ARMC8: variants seen among roughly 807,000 people sequenced by gnomAD.
ARMC8 encodes the protein armadillo repeat containing 8.
In ARMC8, 20 loss-of-function variants were observed where a neutral mutation model predicts 99.3. The ratio of observed to expected loss-of-function variants is 0.20; its 90% confidence interval spans 0.14 to 0.29. The LOEUF (loss-of-function observed/expected upper bound fraction) is 0.29, where lower values mean the gene tolerates loss of function less well. ARMC8 is among the 10% of genes least tolerant of loss of function. The pLI is 1.00. For synonymous variants in ARMC8, 263 were observed against 278.3 expected (o/e 0.95, Z 0.55); for missense variants, 569 against 809.5 (o/e 0.70, Z 3.60).
intron 2 of ARMC8, among the ~76,000 whole-genome samples, chr3:138,220,994 A>C (rs1263683287): frequency 2.0e-5 from 3 of 152,076 alleles, no homozygotes; most frequent in African/African-American, 7.2e-5. Flanking sequence ...CCGGCCAGGG[A>C]AGTTTTTTTA....
intron 5 of ARMC8, among the ~76,000 whole-genome samples, chr3:138,225,874 G>A (rs2045669919): frequency 6.6e-6 from 1 of 152,178 alleles, no homozygotes; most frequent in Non-Finnish European, 1.5e-5. Flanking sequence ...TCCCTAGTCT[G>A]TCCTTCCTAC....
chr3:138,228,485 G>A (rs1426926419), intron 5 of ARMC8, among the ~76,000 whole-genome samples: 1 of 152,162 alleles, frequency 6.6e-6, no homozygotes, highest in African/African-American at 2.4e-5. Context: ...GAGATTGTTA[G>A]TATTTACTGG....
chr3:138,253,775 C>T lies in ARMC8; in HGVS notation c.1134+8592C>T, dbSNP rs565647405. Among the ~76,000 whole-genome samples the T allele has an allele frequency of 2.1e-4, 32 of 152,250 alleles. 1 individual carries two copies. In the South Asian group the frequency reaches 6.4e-3, roughly 31 times the overall value. ...CTGGCATGTACTTTGTGAATGCTTA[C>T]AGTTTAATGTAGTTAGGGAGATGAG... On this transcript the variant is annotated intron_variant, in intron 12 of 21. Transcript: ENST00000469044.
intron 12 of ARMC8, chr3:138,246,934 G>A (rs1193832754): frequency 1.6e-5 from 12 of 753,068 alleles, no homozygotes; most frequent in Non-Finnish European, 1.8e-5. Context: ...TTATGTAATG[G>A]GGCTTATATA....
intron 2 of ARMC8, among the ~76,000 whole-genome samples, chr3:138,220,472 G>A (rs1218118260): frequency 6.6e-6 from 1 of 152,130 alleles, no homozygotes; most frequent in African/African-American, 2.4e-5. Context: ...GAAAGACCAG[G>A]CATTCTCAGT....
In ARMC8 at chr3:138,221,914, C is replaced by G. The variant is rs768548541; in HGVS notation, c.123-12C>G. 6.2e-6 allele frequency: 10 copies of G among 1,602,678 alleles called. No homozygotes were observed. In the South Asian group the frequency reaches 1.1e-4, roughly 18 times the overall value. On this transcript the variant is annotated splice_polypyrimidine_tract_variant and intron_variant, in intron 2 of 21. Coordinates refer to ENST00000469044, the MANE Select transcript of ARMC8 (RefSeq NM_001363941.2). ...TCTCAACATACTTTATTTTTTCTTC[C>G]CCTTAATTCAGAGACATGAAAAATG...
chr3:138,200,730 C>T (rs2044007795), intron 1 of ARMC8, among the ~76,000 whole-genome samples: 2 of 152,064 alleles, frequency 1.3e-5, no homozygotes, highest in South Asian at 4.1e-4. Context: ...CCTCCACTTC[C>T]ATCTCCCCTC....
intron 20 of ARMC8, 42 bp downstream of exon 20, chr3:138,289,162 A>G (rs778388163): frequency 6.6e-7 from 1 of 1,512,720 alleles, no homozygotes; most frequent in Non-Finnish European, 9.1e-7. Context: ...AATTATGGGA[A>G]GAGTGTCTTG....
At chr3:138,243,567 A>C (rs918150066) in intron 11 of ARMC8, among the ~76,000 whole-genome samples, 1 of 152,116 alleles carries the variant, frequency 6.6e-6, no homozygotes, top group African/African-American at 2.4e-5. Context: ...TCTTCCTATA[A>C]TCCATCAGTG....
intron 2 of ARMC8, among the ~76,000 whole-genome samples, chr3:138,213,999 A>C (rs1458486401): frequency 6.6e-6 from 1 of 152,026 alleles, no homozygotes; most frequent in East Asian, 1.9e-4. Flanking sequence ...TACAAAAATA[A>C]AAATTAGCCA....
rs2046646310 is a variant in ARMC8, at chr3:138,241,966, A to G, written c.1021A>G (p.Ile341Val). The G allele has an allele frequency of 6.2e-7, 1 of 1,613,176 alleles. No homozygotes were observed. Among genetic ancestry groups the G allele is most frequent in the African/African-American group, 1.3e-5 (1 of 75,040 alleles). Reference protein sequence around the residue: ...YFKYPSSVSAITDIKRLDHDL... With the variant: ...YFKYPSSVSAVTDIKRLDHDL... ...CAAGTATCCCAGCTCAGTGAGTGCC[A>G]TCACTGATATTAAAAGGGTATGTTA... Residue 341 changes from isoleucine to valine, a missense_variant, in exon 11 of 22, where the codon ATC (isoleucine) becomes GTC (valine). Ile to Val is a conservative substitution (Grantham distance 29). Around this residue, in one of 2 missense-constraint regions of ARMC8, gnomAD observed 227 missense variants for 417.9 expected, o/e 0.54. Transcript: ENST00000469044.
At chr3:138,208,462 G>A (rs796083165) in intron 1 of ARMC8, among the ~76,000 whole-genome samples, 1 of 152,290 alleles carries the variant, frequency 6.6e-6, no homozygotes, top group African/African-American at 2.4e-5. Flanking sequence ...GCGAGACTTC[G>A]TCTCAGGGGA....
At chr3:138,259,036 T>G (rs943734130) in intron 12 of ARMC8, among the ~76,000 whole-genome samples, 6 of 152,196 alleles carry the variant, frequency 3.9e-5, no homozygotes, top group African/African-American at 1.4e-4. Context: ...GAGAACAACT[T>G]TCAGCTTTAC....
At chr3:138,267,317 A>T in intron 15 of ARMC8, 76 bp downstream of exon 15, 1 of 878,742 alleles carries the variant, frequency 1.1e-6, no homozygotes, top group Non-Finnish European at 1.7e-6. Flanking sequence ...ATAGTAGTTG[A>T]CATTGAAATC....
chr3:138,271,763 T>TTATGTCTC (rs2048810053), intron 16 of ARMC8, among the ~76,000 whole-genome samples: 1 of 151,832 alleles, frequency 6.6e-6, no homozygotes, highest in Non-Finnish European at 1.5e-5. Context: ...CAACCACATA[T>TTATGTCTC]TATGTCTCTA....
At chr3:138,192,839 A>G (rs1376053243) in intron 1 of ARMC8, among the ~76,000 whole-genome samples, 1 of 150,986 alleles carries the variant, frequency 6.6e-6, no homozygotes, top group Non-Finnish European at 1.5e-5. Flanking sequence ...CTGGCCTGAA[A>G]ATCTTCGCTT....
intron 1 of ARMC8, among the ~76,000 whole-genome samples, chr3:138,208,088 G>GTTTT (rs34408382): frequency 2.7e-5 from 4 of 146,404 alleles, no homozygotes; most frequent in East Asian, 2.0e-4. Context: ...CGGCATCTCT[G>GTTTT]TTTTTTTTTT....
chr3:138,280,307 CTTATTA>C (rs572583061), intron 18 of ARMC8, among the ~76,000 whole-genome samples: 5 of 150,436 alleles, frequency 3.3e-5, no homozygotes, highest in Middle Eastern at 3.4e-3. Context: ...GATTTTCCCA[CTTATTA>C]TTATTATTAT....
chr3:138,221,278 T>C (rs113560449), intron 2 of ARMC8, among the ~76,000 whole-genome samples: 3,485 of 152,320 alleles, frequency 0.023, 132 homozygotes, highest in African/African-American at 0.08. Context: ...CAATGTATTA[T>C]GTTGTTTCTA....
Sources: allele counts gnomAD v4.1 joint callset (sites outside exome capture counted in the v4.1 genomes callset), GRCh38; gene constraint gnomAD v4.1.1; regional missense constraint gnomAD v4.1.1; transcripts MANE v1.5; gene names NCBI Gene and HGNC (gene_info 2026-07-23, HGNC 2026-07-21).